Variants in DTNA observed in about 807,000 individuals in gnomAD.
DTNA encodes the protein dystrobrevin alpha.
Under a neutral mutation model 100.7 loss-of-function variants are expected in DTNA, and 43 were observed. That is an observed-to-expected ratio of 0.43 (90% CI 0.33 to 0.55). The LOEUF (loss-of-function observed/expected upper bound fraction) is 0.55. Ranked by LOEUF, DTNA falls within the 20% of genes least tolerant of loss-of-function variation. DTNA has a pLI of 0.04. For missense variants in DTNA, 798 were observed against 953.9 expected, an observed-to-expected ratio of 0.84 and a Z score of 2.15; for synonymous variants, 349 against 347.9, an observed-to-expected ratio of 1.00 and a Z score of -0.04.
At position 34,803,978 on chromosome 18, in the gene DTNA, T is replaced by C. The variant is rs576559344; in HGVS notation, c.363-2241T>C. 2.0e-5 allele frequency among the ~76,000 whole-genome samples: 3 copies of C among 152,316 alleles called. No individual in the cohort carries two copies. The South Asian group carries it at 6.2e-4, about 32-fold the overall frequency. On this transcript the variant is annotated intron_variant, in intron 4 of 22. Transcript: ENST00000444659. ...CAAGTAATTCAGAAAACATCATCTC[T>C]GCACTGAAGGATCTCACAATGTAGA...
intron 1 of DTNA, among the ~76,000 whole-genome samples, chr18:34,751,516 T>TG (rs1440870883): frequency 6.6e-6 from 1 of 152,214 alleles, no homozygotes; most frequent in Non-Finnish European, 1.5e-5. Flanking sequence ...TGATGCCTGT[T>TG]AATCTCTGAA....
intron 1 of DTNA, among the ~76,000 whole-genome samples, chr18:34,608,031 T>C (rs1399367910): frequency 1.3e-5 from 2 of 152,214 alleles, no homozygotes; most frequent in Non-Finnish European, 2.9e-5. Context: ...CTTAAATTGC[T>C]ATGATGGATG....
chr18:34,757,697 T>A (rs2092874385), intron 2 of DTNA, among the ~76,000 whole-genome samples: 1 of 152,286 alleles, frequency 6.6e-6, no homozygotes, highest in East Asian at 1.9e-4. Context: ...TTTAGAGACA[T>A]AGAAATAAGA....
At chr18:34,613,184 C>G (rs1489081269) in intron 1 of DTNA, among the ~76,000 whole-genome samples, 1 of 152,098 alleles carries the variant, frequency 6.6e-6, no homozygotes. Flanking sequence ...TTTTGGGGTG[C>G]CATGAACTAC....
chr18:34,886,963 C>A (rs546654479), intron 22 of DTNA, among the ~76,000 whole-genome samples: 1 of 152,280 alleles, frequency 6.6e-6, no homozygotes, highest in Non-Finnish European at 1.5e-5. Flanking sequence ...TCTGGCTGTA[C>A]TGCAAGACCA....
At chr18:34,513,151 T>A (rs1394860644) in intron 1 of DTNA, among the ~76,000 whole-genome samples, 1 of 152,100 alleles carries the variant, frequency 6.6e-6, no homozygotes, top group Non-Finnish European at 1.5e-5. Flanking sequence ...CTCATATCCA[T>A]TAAAACTGCC....
chr18:34,682,748 A>G (rs1234493134), intron 1 of DTNA, among the ~76,000 whole-genome samples: 2 of 152,056 alleles, frequency 1.3e-5, no homozygotes, highest in African/African-American at 4.8e-5. Context: ...ATTATGGCTA[A>G]TAATCCTTTA....
intron 1 of DTNA, among the ~76,000 whole-genome samples, chr18:34,578,995 AT>A (rs898857945): frequency 2.0e-5 from 3 of 152,058 alleles, no homozygotes; most frequent in Admixed American, 1.3e-4. Context: ...CTTTGAGCTA[AT>A]TAAAAATTTT....
intron 1 of DTNA, among the ~76,000 whole-genome samples, chr18:34,684,131 A>G (rs1463927372): frequency 1.3e-5 from 2 of 152,058 alleles, no homozygotes; most frequent in Non-Finnish European, 2.9e-5. Flanking sequence ...ACAATAATGA[A>G]CAACATTGTG....
chr18:34,715,210 T>C (rs962819342), intron 1 of DTNA, among the ~76,000 whole-genome samples: 2 of 147,598 alleles, frequency 1.4e-5, no homozygotes, highest in Non-Finnish European at 3.0e-5. Flanking sequence ...AGTATAATAA[T>C]AAAAAATAGA....
In DTNA at chr18:34,879,586, G is replaced by T. The variant is rs2096852460; in HGVS notation, c.2029G>T (p.Glu677Ter). The T allele has an allele frequency of 6.2e-7, 1 of 1,614,072 alleles. No homozygotes were observed. The highest frequency in any genetic ancestry group is 8.5e-7 in the Non-Finnish European group (1 of 1,179,980). Residue 677 changes from glutamate (E) to a stop codon, truncating the protein, a stop_gained, in exon 20 of 23, where the codon GAA (glutamate) becomes TAA (stop). Transcript: ENST00000444659. LOFTEE classifies it high-confidence loss of function. ...GSETESNVDS[E>*]FARTQFEDLV... ...TGAAACAGAGAGTAATGTGGATTCT[G>T]AATTTGCACGGACTCAGTTTGAGGA... is the stretch of plus-strand genomic sequence containing the variant.
intron 16 of DTNA, 21 bp downstream of exon 16, chr18:34,858,419 C>T: frequency 6.2e-7 from 1 of 1,607,996 alleles, no homozygotes; most frequent in Non-Finnish European, 8.5e-7. Flanking sequence ...GCACCCATGT[C>T]ATCTCAGGGA....
chr18:34,687,308 A>G (rs183197691), intron 1 of DTNA, among the ~76,000 whole-genome samples: 2 of 151,940 alleles, frequency 1.3e-5, no homozygotes, highest in Non-Finnish European at 2.9e-5. Flanking sequence ...TAAACACTGT[A>G]TAGCTGTGTC....
intron 1 of DTNA, among the ~76,000 whole-genome samples, chr18:34,702,167 T>C (rs771283290): frequency 2.0e-5 from 3 of 152,132 alleles, no homozygotes; most frequent in Non-Finnish European, 2.9e-5. Flanking sequence ...ACTCACGGAC[T>C]CGGGTCTCCC....
chr18:34,883,745 G>T (rs1046389172), intron 21 of DTNA, among the ~76,000 whole-genome samples: 1 of 152,084 alleles, frequency 6.6e-6, no homozygotes, highest in East Asian at 1.9e-4. Flanking sequence ...CAAGAAGATT[G>T]TAGCAGGAGG....
At chr18:34,765,130 T>G (rs1368647038) in intron 2 of DTNA, among the ~76,000 whole-genome samples, 1 of 152,154 alleles carries the variant, frequency 6.6e-6, no homozygotes, top group Non-Finnish European at 1.5e-5. Flanking sequence ...GCAGACGAGC[T>G]TGGATTCTGA....
chr18:34,781,440 T>C (rs2148813906), intron 3 of DTNA, among the ~76,000 whole-genome samples: 1 of 152,344 alleles, frequency 6.6e-6, no homozygotes, highest in East Asian at 1.9e-4. Context: ...ATATACATTA[T>C]TAACTTTAGT....
At chr18:34,538,929 C>G (rs1382293781) in intron 1 of DTNA, among the ~76,000 whole-genome samples, 2 of 151,788 alleles carry the variant, frequency 1.3e-5, no homozygotes, top group Non-Finnish European at 2.9e-5. Flanking sequence ...AAAATTTTCT[C>G]AACACAAGAG....
intron 1 of DTNA, among the ~76,000 whole-genome samples, chr18:34,662,479 A>G (rs925009790): frequency 1.3e-5 from 2 of 152,166 alleles, no homozygotes; most frequent in African/African-American, 4.8e-5. Flanking sequence ...TGACTGAGAA[A>G]TGTCTCTCAT....
Sources: gnomAD v4.1 joint callset for allele counts (sites outside exome capture counted in the v4.1 genomes callset) on GRCh38, gnomAD v4.1.1 for gene constraint, MANE v1.5 for transcripts, NCBI Gene and HGNC (gene_info 2026-07-23, HGNC 2026-07-21) for gene names.